The following RAB27B variants were observed in gnomAD, a reference collection of about 807,000 sequenced individuals.
The protein encoded by RAB27B is ras-related protein Rab-27B.
In RAB27B, 15 loss-of-function variants were observed where a neutral mutation model predicts 24.6. The ratio of observed to expected loss-of-function variants is 0.61; its 90% CI spans 0.41 to 0.94. RAB27B has a LOEUF of 0.94. Among genes scored for constraint, RAB27B ranks in the 40% least tolerant of loss-of-function variants. RAB27B has a pLI of 0.00. For missense variants in RAB27B, 261 were observed against 266.8 expected, an observed-to-expected ratio of 0.98 and a Z score of 0.15; for synonymous variants, 105 against 92.5, an observed-to-expected ratio of 1.14 and a Z score of -0.78.
intron 2 of RAB27B, among the ~76,000 whole-genome samples, chr18:54,810,879 A>T (rs950049678): frequency 2.0e-5 from 3 of 150,212 alleles, no homozygotes; most frequent in Non-Finnish European, 3.0e-5. Context: ...TAAATAAATA[A>T]ATAAGAAAAC....
intron 2 of RAB27B, among the ~76,000 whole-genome samples, chr18:54,793,580 A>G (rs923520795): frequency 6.6e-5 from 10 of 152,224 alleles, no homozygotes; most frequent in South Asian, 4.1e-4. Context: ...GTCTCTTCCA[A>G]TGTTCATTTC....
chr18:54,722,265 A>G (rs1598857027), intron 2 of RAB27B, among the ~76,000 whole-genome samples: 1 of 152,288 alleles, frequency 6.6e-6, no homozygotes, highest in South Asian at 2.1e-4. Context: ...ACTTCCACAG[A>G]CAACAGAAAA....
chr18:54,877,161 A>G (rs1250548431), intron 1 of RAB27B, among the ~76,000 whole-genome samples: 1 of 152,050 alleles, frequency 6.6e-6, no homozygotes. Context: ...CTGAGCTCTC[A>G]TTCTCTCTCT....
At chr18:54,832,738 G>A (rs1025759214) in intron 1 of RAB27B, among the ~76,000 whole-genome samples, 3 of 152,202 alleles carry the variant, frequency 2.0e-5, no homozygotes, top group East Asian at 1.9e-4. Context: ...AAGCCAGGAT[G>A]TTTTTTTAGG....
At chr18:54,761,444 A>G (rs950139718) in intron 2 of RAB27B, among the ~76,000 whole-genome samples, 2 of 152,182 alleles carry the variant, frequency 1.3e-5, no homozygotes, top group African/African-American at 4.8e-5. Context: ...CTCTATTTGA[A>G]TTGCAACAAA....
intron 1 of RAB27B, among the ~76,000 whole-genome samples, chr18:54,852,417 T>G (rs1911623814): frequency 6.6e-6 from 1 of 152,212 alleles, no homozygotes; most frequent in Non-Finnish European, 1.5e-5. Flanking sequence ...AATTTTGAGA[T>G]TCCACCTTTC....
In RAB27B at chr18:54,721,465, C is replaced by T. The variant is rs117054010; in HGVS notation, c.-20+3324C>T. The stretch of plus-strand genomic sequence containing the variant: ...ATTTGCTCTTTCACATAATAGTGAA[C>T]GTTGGAGTTTGCAGGCTGGAATCAG... On this transcript the variant is annotated intron_variant, in intron 2 of 4. Transcript: ENST00000586570. Among the ~76,000 whole-genome samples, 592 of 152,192 alleles carry T rather than the reference C, an allele frequency of 3.9e-3. 9 individuals are homozygous for T. The East Asian group carries it at 0.045, about 12-fold the overall frequency.
chr18:54,783,618 A>G (rs1277277845), intron 2 of RAB27B, among the ~76,000 whole-genome samples: 1 of 152,116 alleles, frequency 6.6e-6, no homozygotes, highest in African/African-American at 2.4e-5. Flanking sequence ...AGCTTAAGGT[A>G]AGCGAAAAGG....
upstream of RAB27B, among the ~76,000 whole-genome samples, chr18:54,824,824 A>AT (rs559123667): frequency 0.021 from 3,098 of 145,386 alleles, 57 homozygotes; most frequent in South Asian, 0.089. Flanking sequence ...TTTTCTTTCC[A>AT]TTTTTTTTTT....
intron 1 of RAB27B, among the ~76,000 whole-genome samples, chr18:54,840,872 C>T (rs555137717): frequency 1.2e-4 from 18 of 152,032 alleles, no homozygotes; most frequent in East Asian, 1.9e-4. Context: ...CAGCTGGGCA[C>T]GGTGGGTGGC....
At chr18:54,879,480 G>A in intron 3 of RAB27B, 26 bp downstream of exon 3, 2 of 1,552,372 alleles carry the variant, frequency 1.3e-6, no homozygotes, top group Non-Finnish European at 1.8e-6. Context: ...TTTATTTGTG[G>A]CTACACATAG....
At chr18:54,868,352 T>C (rs1022065225) in intron 1 of RAB27B, among the ~76,000 whole-genome samples, 1 of 152,164 alleles carries the variant, frequency 6.6e-6, no homozygotes, top group Non-Finnish European at 1.5e-5. Flanking sequence ...TCCACTATGA[T>C]TGTAATCTTC....
intron 2 of RAB27B, among the ~76,000 whole-genome samples, chr18:54,770,457 A>G (rs2145068626): frequency 6.6e-6 from 1 of 151,722 alleles, no homozygotes; most frequent in South Asian, 2.1e-4. Flanking sequence ...ACTGTCTCCC[A>G]TCACCCCCCA....
intron 2 of RAB27B, among the ~76,000 whole-genome samples, chr18:54,777,492 A>G (rs1908753117): frequency 6.6e-6 from 1 of 152,234 alleles, no homozygotes; most frequent in South Asian, 2.1e-4. Flanking sequence ...GCTTAAATTC[A>G]GTGGAGAGTT....
In RAB27B at chr18:54,881,445, G is replaced by C. The variant is rs143373876; in HGVS notation, c.239+1991G>C. 3.9e-4 allele frequency among the ~76,000 whole-genome samples: 59 copies of C among 152,214 alleles called. No individual in the cohort carries two copies. In the East Asian group the frequency reaches 0.01, roughly 26 times the overall value. On this transcript the variant is annotated intron_variant, in intron 3 of 5. Coordinates refer to ENST00000262094, the MANE Select transcript of RAB27B (RefSeq NM_004163.4). ...TATGAAACATGTGGTAGAAATTCAG[G>C]CTGTGACATTAGCAAGCTCATTCTG...
chr18:54,811,739 A>G (rs12968302), intron 2 of RAB27B, among the ~76,000 whole-genome samples: 34,709 of 152,112 alleles, frequency 0.23, 4,230 homozygotes, highest in East Asian at 0.41. Flanking sequence ...TGAGGCCTTC[A>G]GGAATTTCCT....
At chr18:54,839,306 G>A (rs1274632913) in intron 1 of RAB27B, among the ~76,000 whole-genome samples, 1 of 152,108 alleles carries the variant, frequency 6.6e-6, no homozygotes, top group African/African-American at 2.4e-5. Flanking sequence ...GAACAGTTTT[G>A]CAAATTCTGT....
chr18:54,796,618 A>G (rs1208568246), intron 2 of RAB27B, among the ~76,000 whole-genome samples: 2 of 152,076 alleles, frequency 1.3e-5, no homozygotes, highest in African/African-American at 2.4e-5. Flanking sequence ...TGGTTTGCCA[A>G]TCTGCTGGTG....
chr18:54,743,042 A>T (rs551058192), intron 2 of RAB27B, among the ~76,000 whole-genome samples: 1 of 152,278 alleles, frequency 6.6e-6, no homozygotes, highest in South Asian at 2.1e-4. Context: ...AACAGAGAAG[A>T]TCACTTTTCT....
Sources: gnomAD v4.1 joint callset for allele counts (sites outside exome capture counted in the v4.1 genomes callset) on GRCh38, gnomAD v4.1.1 for gene constraint, MANE v1.5 for transcripts, NCBI Gene and HGNC (gene_info 2026-07-23, HGNC 2026-07-21) for gene names.